Variants in CDC14A observed in about 807,000 individuals in gnomAD.
CDC14A encodes the protein cell division cycle 14A.
CDC14A carries 53 observed loss-of-function variants against 74.4 expected under a neutral mutation model. The ratio of observed to expected loss-of-function variants is 0.71; its 90% CI spans 0.57 to 0.89. The LOEUF is 0.89. Among genes scored for constraint, CDC14A ranks in the 40% least tolerant of loss-of-function variants. The pLI, the probability that CDC14A is intolerant of heterozygous loss-of-function variation, is 0.00. For missense variants in CDC14A, 646 were observed against 713.7 expected, an observed-to-expected ratio of 0.91 and a Z score of 1.08; for synonymous variants, 247 against 258.4, an observed-to-expected ratio of 0.96 and a Z score of 0.43.
Position 100,519,992 on chromosome 1 carries a change from G to A in CDC14A, c.*1712G>A, listed in dbSNP as rs930368515. On this transcript the variant is annotated 3_prime_UTR_variant, in exon 16 of 16. Coordinates refer to ENST00000336454, the MANE Select transcript of CDC14A (RefSeq NM_003672.4). Reference sequence around the variant, plus strand: ...TTTGTGTGAAGCTATTAAAATGATTGTAAAGTTGACTACTGTAAATTTCCC... The same window carrying A: ...TTTGTGTGAAGCTATTAAAATGATTATAAAGTTGACTACTGTAAATTTCCC... 2.6e-5 allele frequency: 4 copies of A among 152,176 alleles called. No homozygotes were observed. Among genetic ancestry groups the A allele is most frequent in the African/African-American group, 9.7e-5 (4 of 41,380 alleles). 9.4% of individuals were successfully genotyped at this position (152,176 alleles called of 1,614,324 possible). A position where few individuals can be genotyped will look rare whatever the true frequency, so the allele number is the denominator to read the frequency against.
chr1:100,413,730 A>G (rs1372445245), intron 4 of CDC14A, among the ~76,000 whole-genome samples: 1 of 152,188 alleles, frequency 6.6e-6, no homozygotes, highest in East Asian at 1.9e-4. Context: ...CTTTCCTTCC[A>G]GTGACAGCAA....
intron 5 of CDC14A, among the ~76,000 whole-genome samples, chr1:100,425,620 A>G (rs1395091063): frequency 6.6e-6 from 1 of 152,182 alleles, no homozygotes; most frequent in Non-Finnish European, 1.5e-5. Context: ...GGAGTAAGGC[A>G]TTGGGATTTG....
At position 100,508,292 on chromosome 1, in the gene CDC14A, T is replaced by C. The variant is rs892664158; in HGVS notation, c.1755+9030T>C. Among the ~76,000 whole-genome samples the C allele has an allele frequency of 1.3e-5, 2 of 151,482 alleles. No homozygotes were observed. The highest frequency in any genetic ancestry group is 2.9e-5 in the Non-Finnish European group (2 of 67,884). On this transcript the variant is annotated intron_variant, in intron 15 of 15. Transcript: ENST00000336454. The surrounding 1 kb of genome is among the most constrained non-coding windows in gnomAD (Gnocchi z 4.4). Reference sequence around the variant, plus strand: ...TTCTTTTTATATGTGTGTGTATATATATAGATATATATATATATTTTTTTC... The same window carrying C: ...TTCTTTTTATATGTGTGTGTATATACATAGATATATATATATATTTTTTTC...
chr1:100,431,901 G>T (rs1278655595), intron 5 of CDC14A, among the ~76,000 whole-genome samples: 1 of 151,996 alleles, frequency 6.6e-6, no homozygotes, highest in Non-Finnish European at 1.5e-5. Context: ...AGATGTTGAT[G>T]AAATGCCCAG....
chr1:100,453,108 T>C (rs768092560), intron 7 of CDC14A, among the ~76,000 whole-genome samples: 12 of 152,204 alleles, frequency 7.9e-5, no homozygotes, highest in Non-Finnish European at 8.8e-5. Context: ...CCATCAGCCT[T>C]ATCCTGGCTG....
intron 7 of CDC14A, among the ~76,000 whole-genome samples, chr1:100,449,506 G>A (rs1483395982): frequency 2.6e-5 from 4 of 152,078 alleles, no homozygotes; most frequent in East Asian, 3.9e-4. Flanking sequence ...CAGCTTACCC[G>A]GTGGCGGCTT....
chr1:100,437,032 A>G (rs939273826), intron 5 of CDC14A, among the ~76,000 whole-genome samples: 1 of 152,144 alleles, frequency 6.6e-6, no homozygotes, highest in Admixed American at 6.5e-5. Flanking sequence ...CGAAAAATAT[A>G]AAAACTAGCT....
In CDC14A at chr1:100,397,761, G is replaced by C. The variant is rs990152661; in HGVS notation, c.309+6937G>C. Reference sequence around the variant, plus strand: ...CATTATATACTTTCCTTACCCACTTGTTAAGTCTTTGCATTGCTAAATTAG... The same window carrying C: ...CATTATATACTTTCCTTACCCACTTCTTAAGTCTTTGCATTGCTAAATTAG... On this transcript the variant is annotated intron_variant, in intron 4 of 15. Coordinates refer to ENST00000336454, the MANE Select transcript of CDC14A (RefSeq NM_003672.4). Among the ~76,000 whole-genome samples, 7 of 152,144 alleles carry C rather than the reference G, an allele frequency of 4.6e-5. No individual in the cohort carries two copies. In the East Asian group the frequency reaches 1.2e-3, roughly 25 times the overall value.
chr1:100,496,136 A>G, intron 13 of CDC14A, 87 bp downstream of exon 13: 1 of 1,070,002 alleles, frequency 9.3e-7, no homozygotes, highest in Non-Finnish European at 1.4e-6. Context: ...CACGAAAATC[A>G]ACTGTACACA....
At chr1:100,427,050 A>C (rs763063470) in intron 5 of CDC14A, among the ~76,000 whole-genome samples, 2 of 152,190 alleles carry the variant, frequency 1.3e-5, no homozygotes, top group Admixed American at 1.3e-4. Context: ...ATGGACTTCT[A>C]TCAAGAATCA....
At chr1:100,420,726 G>A (rs1007238368) in intron 4 of CDC14A, among the ~76,000 whole-genome samples, 2 of 152,076 alleles carry the variant, frequency 1.3e-5, no homozygotes, top group Non-Finnish European at 2.9e-5. Flanking sequence ...TGGTACCTAC[G>A]GCAGAAGTTG....
chr1:100,392,926 A>C, intron 4 of CDC14A: 1 of 724,424 alleles, frequency 1.4e-6, no homozygotes, highest in South Asian at 1.8e-5. Flanking sequence ...ATTTCTAAAC[A>C]TTTAAACATC....
At chr1:100,502,970 TA>T (rs1282228030) in intron 15 of CDC14A, among the ~76,000 whole-genome samples, 2 of 152,192 alleles carry the variant, frequency 1.3e-5, no homozygotes, top group Non-Finnish European at 2.9e-5. Context: ...TAAATAGAAT[TA>T]TCAACACAAC....
chr1:100,476,978 T>C (rs1161351475), intron 10 of CDC14A, among the ~76,000 whole-genome samples: 1 of 152,122 alleles, frequency 6.6e-6, no homozygotes, highest in Non-Finnish European at 1.5e-5. Context: ...GAGAAGCCGA[T>C]GTGATGACTG....
intron 4 of CDC14A, among the ~76,000 whole-genome samples, chr1:100,395,039 T>C (rs1658280368): frequency 6.6e-6 from 1 of 152,136 alleles, no homozygotes; most frequent in African/African-American, 2.4e-5. Context: ...GCTAGGTAGG[T>C]AGGTATATTT....
chr1:100,420,467 A>G (rs149080925), intron 4 of CDC14A, among the ~76,000 whole-genome samples: 2 of 152,268 alleles, frequency 1.3e-5, no homozygotes, highest in East Asian at 1.9e-4. Context: ...AGGATTCTAT[A>G]TAACTTCTCA....
chr1:100,398,151 G>A (rs1470519685), intron 4 of CDC14A, among the ~76,000 whole-genome samples: 1 of 152,132 alleles, frequency 6.6e-6, no homozygotes, highest in Non-Finnish European at 1.5e-5. Flanking sequence ...AGGACTGAAG[G>A]AGGTCATTTA....
intron 7 of CDC14A, among the ~76,000 whole-genome samples, chr1:100,453,428 T>A (rs1375924464): frequency 6.6e-6 from 1 of 152,222 alleles, no homozygotes; most frequent in African/African-American, 2.4e-5. Flanking sequence ...ACCTTTATTC[T>A]TGGATTTTCA....
chr1:100,391,268 T>C (rs1657666578), intron 4 of CDC14A, among the ~76,000 whole-genome samples: 1 of 152,192 alleles, frequency 6.6e-6, no homozygotes, highest in Non-Finnish European at 1.5e-5. Flanking sequence ...ATCAATCCAT[T>C]CATTAATTTA....
Sources: allele counts gnomAD v4.1 joint callset (sites outside exome capture counted in the v4.1 genomes callset), GRCh38; gene constraint gnomAD v4.1.1; non-coding constraint Gnocchi (gnomAD v3.1); transcripts MANE v1.5; gene names NCBI Gene and HGNC (gene_info 2026-07-23, HGNC 2026-07-21).